Variants in LINGO1 observed in about 807,000 individuals in gnomAD.
The protein encoded by LINGO1 is leucine rich repeat and Ig domain containing 1, also known as leucine-rich repeat and immunoglobulin-like domain-containing nogo receptor-interacting protein 1.
A neutral mutation model predicts 37.3 loss-of-function variants in LINGO1; 11 were observed. The ratio of observed to expected loss-of-function variants is 0.29; its 90% CI spans 0.19 to 0.49. LINGO1 has a LOEUF of 0.49. Among genes scored for constraint, LINGO1 ranks in the 20% least tolerant of loss-of-function variants. LINGO1 has a pLI of 0.99. For synonymous variants in LINGO1, 387 were observed against 403.0 expected, an observed-to-expected ratio of 0.96 and a Z score of 0.48; for missense variants, 585 against 878.2, an observed-to-expected ratio of 0.67 and a Z score of 4.22.
intron 3 of LINGO1, chr15:77,667,084 T>A (rs779325277): frequency 5.9e-5 from 9 of 152,316 alleles, no homozygotes; most frequent in African/African-American, 2.2e-4. Flanking sequence ...CTGAAGTGGA[T>A]GGGTAAGGAG....
At chr15:77,753,463 G>A (rs1419875713) in intron 1 of LINGO1, among the ~76,000 whole-genome samples, 1 of 152,240 alleles carries the variant, frequency 6.6e-6, no homozygotes, top group African/African-American at 2.4e-5. Flanking sequence ...TCATGGTGCT[G>A]AATCTGGGAG....
intron 1 of LINGO1, among the ~76,000 whole-genome samples, chr15:77,627,017 C>A (rs1187582506): frequency 6.9e-6 from 1 of 145,000 alleles, no homozygotes; most frequent in African/African-American, 2.5e-5. Flanking sequence ...GCTGGCCAGG[C>A]CCCCACCCCC....
chr15:77,694,429 C>T (rs2075655913), intron 1 of LINGO1, among the ~76,000 whole-genome samples: 1 of 152,220 alleles, frequency 6.6e-6, no homozygotes, highest in East Asian at 1.9e-4. Flanking sequence ...CCCTCTGTGG[C>T]CTCACACCTA....
chr15:77,771,332 T>A (rs750340339), intron 1 of LINGO1, among the ~76,000 whole-genome samples: 7 of 152,150 alleles, frequency 4.6e-5, no homozygotes, highest in Non-Finnish European at 1.0e-4. Context: ...ATTTTCCAGA[T>A]GAGGGAACGA....
At chr15:77,774,537 C>T (rs116171820) in intron 1 of LINGO1, among the ~76,000 whole-genome samples, 2,079 of 152,228 alleles carry the variant, frequency 0.014, 51 homozygotes, top group African/African-American at 0.048. Context: ...GCATGGCTGC[C>T]CACACTTAGT....
rs2074302948 is a variant in LINGO1, at chr15:77,632,797, G to A, written c.-482C>T. The stretch of plus-strand genomic sequence containing the variant: ...GGGGACTCCGCGCCCTCCGGGGCCG[G>A]GACCAGGACCCACCGCCGCCGCCGC... On this transcript the variant is annotated 5_prime_UTR_variant, in exon 1 of 2. Coordinates refer to ENST00000355300, the MANE Select transcript of LINGO1 (RefSeq NM_032808.7). The surrounding 1 kb of genome is among the most constrained non-coding windows in gnomAD (Gnocchi z 6.0). Among the ~76,000 whole-genome samples, 1 of 146,848 alleles carries A rather than the reference G, an allele frequency of 6.8e-6. No homozygotes were observed. The highest frequency in any genetic ancestry group is 2.5e-5 in the African/African-American group (1 of 40,668).
intron 1 of LINGO1, among the ~76,000 whole-genome samples, chr15:77,624,492 C>T (rs887341307): frequency 5.3e-5 from 8 of 152,186 alleles, no homozygotes; most frequent in Non-Finnish European, 8.8e-5. Context: ...ACAGCCATCT[C>T]GAGAGCTGCC....
intron 1 of LINGO1, among the ~76,000 whole-genome samples, chr15:77,818,639 G>A (rs553531029): frequency 1.3e-5 from 2 of 152,252 alleles, no homozygotes; most frequent in South Asian, 2.1e-4. Flanking sequence ...ATACACGCCC[G>A]GGCACGTCGC....
chr15:77,786,989 A>G (rs2076777888), exon 1 of LINGO1: 2 of 152,266 alleles, frequency 1.3e-5, no homozygotes, highest in Admixed American at 6.5e-5. Flanking sequence ...CACACTGGTC[A>G]GCCCCGCAGG....
intron 1 of LINGO1, among the ~76,000 whole-genome samples, chr15:77,762,388 T>C (rs2076486459): frequency 6.6e-6 from 1 of 152,178 alleles, no homozygotes; most frequent in East Asian, 1.9e-4. Context: ...TGGAGAGGCC[T>C]CCTCCAGGAA....
intron 1 of LINGO1, among the ~76,000 whole-genome samples, chr15:77,775,482 C>A (rs2076627741): frequency 1.3e-5 from 2 of 152,146 alleles, no homozygotes; most frequent in Admixed American, 6.5e-5. Context: ...AGTGGAGCAT[C>A]AACTGGCTGG....
At chr15:77,773,721 C>T (rs2076608636) in intron 1 of LINGO1, among the ~76,000 whole-genome samples, 1 of 152,144 alleles carries the variant, frequency 6.6e-6, no homozygotes, top group South Asian at 2.1e-4. Context: ...TGGGGTCACA[C>T]AGCCTGGGCC....
At chr15:77,812,321 G>A (rs7181312) in intron 1 of LINGO1, among the ~76,000 whole-genome samples, 24,286 of 152,222 alleles carry the variant, frequency 0.16, 2,832 homozygotes, top group African/African-American at 0.33. Flanking sequence ...TACCCCTACC[G>A]GTGGAGCAGA....
chr15:77,625,686 G>A (rs2074067176), intron 1 of LINGO1, among the ~76,000 whole-genome samples: 1 of 152,196 alleles, frequency 6.6e-6, no homozygotes, highest in South Asian at 2.1e-4. Context: ...AAGTCCCGCA[G>A]TGATGAGTGG....
At chr15:77,777,484 C>A (rs2076672750) in intron 1 of LINGO1, among the ~76,000 whole-genome samples, 1 of 108,888 alleles carries the variant, frequency 9.2e-6, no homozygotes, top group Non-Finnish European at 2.1e-5. Context: ...CACACACACA[C>A]ACACACACAC....
chr15:77,743,623 A>G (rs906321150), intron 1 of LINGO1, among the ~76,000 whole-genome samples: 26 of 152,196 alleles, frequency 1.7e-4, no homozygotes, highest in African/African-American at 6.0e-4. Flanking sequence ...TAGACAGTCA[A>G]ATTACAACGC....
chr15:77,703,108 A>G (rs1406283793), intron 2 of LINGO1, among the ~76,000 whole-genome samples: 6 of 152,166 alleles, frequency 3.9e-5, no homozygotes, highest in African/African-American at 1.4e-4. Flanking sequence ...TGCTCTGTCC[A>G]TCTCGCAGGC....
intron 1 of LINGO1, among the ~76,000 whole-genome samples, chr15:77,761,528 A>G (rs2076477082): frequency 1.3e-5 from 2 of 152,242 alleles, no homozygotes; most frequent in South Asian, 4.1e-4. Flanking sequence ...AATGGGCTAA[A>G]GGGCTTTTTT....
At chr15:77,767,146 A>C (rs4886524) in intron 1 of LINGO1, among the ~76,000 whole-genome samples, 141,324 of 152,176 alleles carry the variant, frequency 0.93, 65,841 homozygotes, top group Non-Finnish European at 0.97. Flanking sequence ...CAAGACAGAG[A>C]GCACATAGTG....
Sources: gnomAD v4.1 joint callset for allele counts (sites outside exome capture counted in the v4.1 genomes callset) on GRCh38, gnomAD v4.1.1 for gene constraint, Gnocchi (gnomAD v3.1) non-coding constraint, MANE v1.5 for transcripts, NCBI Gene and HGNC (gene_info 2026-07-23, HGNC 2026-07-21) for gene names.